Variants in C2orf92 observed in about 807,000 individuals in gnomAD.
The protein encoded by C2orf92 is chromosome 2 open reading frame 92.
Position 97,702,748 on chromosome 2 carries a change from T to C in C2orf92, c.745T>C (p.Phe249Leu), listed in dbSNP as rs563929607. The C allele has an allele frequency of 2.5e-6, 1 of 398,924 alleles. No individual in the cohort carries two copies. The highest frequency in any genetic ancestry group is 3.6e-5 in the East Asian group (1 of 28,062). The allele number at this position is 398,924 out of a possible 1,614,324, so 24.7% of individuals were successfully genotyped here. A position where few individuals can be genotyped will look rare whatever the true frequency, so the allele number is the denominator to read the frequency against. Residue 249 changes from phenylalanine to leucine, a missense_variant, in exon 8 of 8, where the codon TTC (phenylalanine) becomes CTC (leucine). By Grantham distance (22) the Phe-to-Leu change is conservative (BLOSUM62 0). Transcript: ENST00000627399. ...TWWHNSEEKNFTKLAKKQKQL... is the reference protein window; with the variant it reads ...TWWHNSEEKNLTKLAKKQKQL... Reference sequence around the variant, plus strand: ...GTGGCACAATTCTGAAGAAAAAAATTTCACAAAACTTGCAAAAAAACAGAA... The same window carrying C: ...GTGGCACAATTCTGAAGAAAAAAATCTCACAAAACTTGCAAAAAAACAGAA...
At chr2:97,669,294 T>TA (rs1559294908), upstream of C2orf92, 2 of 152,202 alleles carry the variant, frequency 1.3e-5, no homozygotes, top group African/African-American at 4.8e-5. Flanking sequence ...GAGACGGGCT[T>TA]TCACCATGTT....
At chr2:97,665,944 A>C (rs1401874041), upstream of C2orf92, 1 of 150,892 alleles carries the variant, frequency 6.6e-6, no homozygotes, top group Non-Finnish European at 1.5e-5. Flanking sequence ...CGCCCAGGTA[A>C]TTTTTTTGTA....
intron 1 of C2orf92, 80 bp downstream of exon 1, chr2:97,669,914 C>T (rs1301214113): frequency 5.0e-6 from 2 of 398,282 alleles, no homozygotes; most frequent in Non-Finnish European, 4.4e-6. Flanking sequence ...TTCCCTCCCA[C>T]AGTGTGGGGA....
chr2:97,664,713 A>G (rs976535605), upstream of C2orf92: 2 of 151,996 alleles, frequency 1.3e-5, no homozygotes, highest in Non-Finnish European at 2.9e-5. Flanking sequence ...TGGCCACCAT[A>G]CGGCCACCGC....
intron 3 of C2orf92, among the ~76,000 whole-genome samples, chr2:97,677,157 G>A (rs1573205990): frequency 6.6e-6 from 1 of 152,182 alleles, no homozygotes; most frequent in East Asian, 1.9e-4. Context: ...GCAGCAGTGT[G>A]GATAGCAGTC....
intron 3 of C2orf92, among the ~76,000 whole-genome samples, chr2:97,676,889 T>C (rs1433564809): frequency 6.6e-6 from 1 of 152,200 alleles, no homozygotes; most frequent in African/African-American, 2.4e-5. Context: ...CTGTGACTCA[T>C]TCATCTACCC....
rs1676550335 is a variant in C2orf92 at position 97,703,043 on chromosome 2, A to C, written c.*242A>C. On this transcript the variant is annotated 3_prime_UTR_variant, in exon 8 of 8. Transcript: ENST00000627399. ...AGACTATGGATTTATCATTTAATAA[A>C]GCATTGATTCATTTTTTCAGTCATT... The C allele has an allele frequency of 2.9e-6, 1 of 344,996 alleles. No homozygotes were observed. Among genetic ancestry groups the C allele is most frequent in the South Asian group, 1.5e-4 (1 of 6,508 alleles). The allele number at this position is 344,996 out of a possible 1,614,324, so 21.4% of individuals were successfully genotyped here.
chr2:97,689,601 G>T (rs77947273), intron 4 of C2orf92, among the ~76,000 whole-genome samples: 1 of 152,164 alleles, frequency 6.6e-6, no homozygotes, highest in African/African-American at 2.4e-5. Context: ...TCTGCCAGCC[G>T]TGGGTACAAG....
chr2:97,689,024 A>G (rs901111861), intron 4 of C2orf92, 31 bp downstream of exon 4: 2 of 398,504 alleles, frequency 5.0e-6, no homozygotes, highest in African/African-American at 4.1e-5. Context: ...TAATAAGTGC[A>G]CACATTTCTA....
intron 1 of C2orf92, chr2:97,671,231 A>G (rs764835877): frequency 5.5e-6 from 2 of 362,564 alleles, no homozygotes; most frequent in South Asian, 1.5e-4. Context: ...CTGGTCATGA[A>G]CTCCTGACCT....
intron 3 of C2orf92, among the ~76,000 whole-genome samples, chr2:97,684,449 A>G (rs1167182832): frequency 6.6e-6 from 1 of 152,224 alleles, no homozygotes; most frequent in Non-Finnish European, 1.5e-5. Context: ...AAGCTAGCTC[A>G]TTACCTTATA....
intron 4 of C2orf92, among the ~76,000 whole-genome samples, chr2:97,689,276 C>T (rs1676055279): frequency 6.6e-6 from 1 of 152,174 alleles, no homozygotes; most frequent in Admixed American, 6.5e-5. Flanking sequence ...AGGACAGAAA[C>T]CTGATCTGCA....
intron 3 of C2orf92, among the ~76,000 whole-genome samples, chr2:97,679,664 A>T (rs909625568): frequency 2.0e-5 from 3 of 151,840 alleles, no homozygotes; most frequent in African/African-American, 4.8e-5. Flanking sequence ...CAACATGATG[A>T]AACCCTATCT....
chr2:97,683,231 A>G (rs944633479), intron 3 of C2orf92, among the ~76,000 whole-genome samples: 3 of 152,188 alleles, frequency 2.0e-5, no homozygotes, highest in African/African-American at 7.2e-5. Flanking sequence ...CAAACAAGAT[A>G]TGAGAACAAT....
chr2:97,694,284 G>T (rs192257003), intron 5 of C2orf92, among the ~76,000 whole-genome samples: 1 of 142,512 alleles, frequency 7.0e-6, no homozygotes, highest in African/African-American at 2.6e-5. Context: ...TCACTCTATC[G>T]CCCAGGCTGC....
chr2:97,678,760 A>G (rs1300513685), intron 3 of C2orf92, among the ~76,000 whole-genome samples: 2 of 151,220 alleles, frequency 1.3e-5, no homozygotes, highest in Non-Finnish European at 2.9e-5. Flanking sequence ...ACTTGAGCCC[A>G]GGAATTCGAG....
At chr2:97,669,160 A>G (rs1407705969), upstream of C2orf92, 2 of 152,216 alleles carry the variant, frequency 1.3e-5, no homozygotes, top group African/African-American at 4.8e-5. Flanking sequence ...ACAGTTTAAT[A>G]CTTATAAAAT....
intron 1 of C2orf92, chr2:97,672,405 C>T (rs1007186428): frequency 6.6e-6 from 1 of 151,932 alleles, no homozygotes; most frequent in Non-Finnish European, 1.5e-5. Context: ...TCTGCATAGA[C>T]AACTGCCTGG....
chr2:97,672,873 C>A (rs1675458312), intron 1 of C2orf92, among the ~76,000 whole-genome samples: 1 of 152,112 alleles, frequency 6.6e-6, no homozygotes, highest in African/African-American at 2.4e-5. Context: ...GACCAACAGC[C>A]CTGGAAATGC....
Sources: allele counts gnomAD v4.1 joint callset (sites outside exome capture counted in the v4.1 genomes callset), GRCh38; gene constraint gnomAD v4.1.1; transcripts MANE v1.5; gene names NCBI Gene and HGNC (gene_info 2026-07-23, HGNC 2026-07-21).